PACS1: variants seen among roughly 807,000 people sequenced by gnomAD.
The protein encoded by PACS1 is phosphofurin acidic cluster sorting protein 1.
PACS1 carries 24 observed loss-of-function variants against 115.0 expected under a neutral mutation model. The ratio of observed to expected loss-of-function variants is 0.21; its 90% CI spans 0.15 to 0.29. The LOEUF is 0.29. Ranked by LOEUF, PACS1 falls within the 10% of genes least tolerant of loss-of-function variation. PACS1 has a pLI of 1.00. For missense variants in PACS1, 838 were observed against 1,251.2 expected (o/e 0.67, Z 4.98); for synonymous variants, 453 against 504.5 (o/e 0.90, Z 1.37).
intron 4 of PACS1, among the ~76,000 whole-genome samples, chr11:66,212,696 GA>G (rs1401066648): frequency 6.6e-6 from 1 of 152,096 alleles, no homozygotes; most frequent in African/African-American, 2.4e-5. Flanking sequence ...GGGAGAAGAA[GA>G]AAGGCAACTA....
intron 1 of PACS1, among the ~76,000 whole-genome samples, chr11:66,095,934 T>TC (rs1317811129): frequency 1.3e-5 from 2 of 149,256 alleles, no homozygotes; most frequent in Non-Finnish European, 3.0e-5. Flanking sequence ...AATTTCTTCT[T>TC]TTTTTTTTTT....
chr11:66,219,637 C>T lies in PACS1; in HGVS notation c.979-109C>T, dbSNP rs778018900. 5 of 857,948 alleles carry T rather than the reference C, an allele frequency of 5.8e-6. No homozygotes were observed. In the East Asian group the frequency reaches 7.3e-5, roughly 13 times the overall value. The allele number at this position is 857,948 out of a possible 1,614,324, so 53.1% of individuals were successfully genotyped here. A position where few individuals can be genotyped will look rare whatever the true frequency, so the allele number is the denominator to read the frequency against. ...GGCAGAGACCAAGTCCTCCAGTCTT[C>T]GTGTCTTCCCACAGCTCGTCATGAA... On this transcript the variant is annotated intron_variant, in intron 7 of 23. Coordinates refer to ENST00000320580, the MANE Select transcript of PACS1 (RefSeq NM_018026.4).
intron 1 of PACS1, among the ~76,000 whole-genome samples, chr11:66,141,997 G>A (rs1055412571): frequency 1.3e-5 from 2 of 151,958 alleles, no homozygotes; most frequent in East Asian, 1.9e-4. Context: ...GTAGAGACGG[G>A]GTTTCACCAT....
At chr11:66,079,489 C>A (rs991179138) in intron 1 of PACS1, among the ~76,000 whole-genome samples, 1 of 152,194 alleles carries the variant, frequency 6.6e-6, no homozygotes, top group South Asian at 2.1e-4. Context: ...CTTTTCCCTT[C>A]TGTTTTTCTG....
At chr11:66,219,947 GC>G (rs1459011887) in intron 8 of PACS1, 142 bp downstream of exon 8, 1 of 719,960 alleles carries the variant, frequency 1.4e-6, no homozygotes, top group East Asian at 2.6e-5. Context: ...ACCTGGTAGA[GC>G]CCTAAGGGAG....
chr11:66,156,345 C>T (rs1160827398), intron 1 of PACS1, among the ~76,000 whole-genome samples: 1 of 148,446 alleles, frequency 6.7e-6, no homozygotes. Context: ...TTCTGCCCCC[C>T]GGGTTCAAGC....
Position 66,233,773 on chromosome 11 carries a change from C to T in PACS1, c.1839-12C>T, listed in dbSNP as rs780766300. On this transcript the variant is annotated splice_polypyrimidine_tract_variant and intron_variant, in intron 15 of 23. Coordinates refer to ENST00000320580, the MANE Select transcript of PACS1 (RefSeq NM_018026.4). The surrounding 1 kb of genome is among the most constrained non-coding windows in gnomAD (Gnocchi z 4.5). ...CCCTGAGCACTGCTATGACGCTCCC[C>T]TTCCTCCCCAGCTGCAACTGCAACT... The T allele has an allele frequency of 1.2e-6, 2 of 1,612,272 alleles. No homozygotes were observed. Among genetic ancestry groups the T allele is most frequent in the South Asian group, 1.1e-5 (1 of 90,780 alleles).
intron 1 of PACS1, among the ~76,000 whole-genome samples, chr11:66,119,472 A>G (rs1461395760): frequency 1.3e-5 from 2 of 152,202 alleles, no homozygotes; most frequent in Non-Finnish European, 2.9e-5. Context: ...CTCCTGTTTA[A>G]TGCTTTAACT....
chr11:66,156,562 A>C (rs1239202944), intron 1 of PACS1, among the ~76,000 whole-genome samples: 5 of 152,002 alleles, frequency 3.3e-5, no homozygotes, highest in Non-Finnish European at 7.4e-5. Flanking sequence ...GTTTTTTAAA[A>C]AAATCTTTCC....
At chr11:66,098,388 C>G (rs1297327566) in intron 1 of PACS1, among the ~76,000 whole-genome samples, 1 of 152,010 alleles carries the variant, frequency 6.6e-6, no homozygotes, top group African/African-American at 2.4e-5. Flanking sequence ...TTCCTCTCAC[C>G]TCATGCAGAT....
chr11:66,098,056 A>C (rs1222414717), intron 1 of PACS1, among the ~76,000 whole-genome samples: 1 of 152,172 alleles, frequency 6.6e-6, no homozygotes, highest in Non-Finnish European at 1.5e-5. Context: ...GGGCGCCTGT[A>C]GTCCCAGCTA....
intron 1 of PACS1, among the ~76,000 whole-genome samples, chr11:66,190,786 G>A (rs954845108): frequency 1.3e-5 from 2 of 152,210 alleles, no homozygotes; most frequent in Non-Finnish European, 2.9e-5. Flanking sequence ...GAAACAGGCG[G>A]TACTGTGGGC....
intron 1 of PACS1, among the ~76,000 whole-genome samples, chr11:66,119,744 A>G (rs1012624249): frequency 1.3e-5 from 2 of 152,242 alleles, no homozygotes; most frequent in African/African-American, 4.8e-5. Context: ...GGTGTGAGTC[A>G]GAATGATTAT....
intron 1 of PACS1, among the ~76,000 whole-genome samples, chr11:66,131,773 A>C (rs1858710480): frequency 6.6e-6 from 1 of 152,080 alleles, no homozygotes. Flanking sequence ...ATGTAAAAAA[A>C]AAAGGCATTA....
chr11:66,235,422 G>A lies in PACS1; in HGVS notation c.2207+19G>A. 6.3e-7 allele frequency: 1 copy of A among 1,577,860 alleles called. No individual in the cohort carries two copies. Among genetic ancestry groups the A allele is most frequent in the Non-Finnish European group, 8.7e-7 (1 of 1,147,862 alleles). ...ATAAGTTGTAAGTTTGACTTTGAGG[G>A]GTTTCTTAAAAATAGGTTGGGTGGG... On this transcript the variant is annotated intron_variant, in intron 18 of 23. Transcript: ENST00000320580. The surrounding 1 kb of genome is among the most constrained non-coding windows in gnomAD (Gnocchi z 5.6).
At chr11:66,114,536 T>A (rs1460795992) in intron 1 of PACS1, among the ~76,000 whole-genome samples, 1 of 152,138 alleles carries the variant, frequency 6.6e-6, no homozygotes, top group Non-Finnish European at 1.5e-5. Flanking sequence ...TTTATTTAAC[T>A]AATCCTACTA....
At chr11:66,242,517 G>A (rs139294052) in intron 22 of PACS1, among the ~76,000 whole-genome samples, 3 of 152,294 alleles carry the variant, frequency 2.0e-5, no homozygotes, top group Non-Finnish European at 2.9e-5. Context: ...AGCACTCCCC[G>A]GCATCCCCAG....
intron 20 of PACS1, 84 bp downstream of exon 20, chr11:66,238,930 C>T: frequency 7.0e-7 from 1 of 1,420,364 alleles, no homozygotes; most frequent in Non-Finnish European, 9.7e-7. Flanking sequence ...AGAAGTTAAG[C>T]TCTGGATGCC....
intron 1 of PACS1, among the ~76,000 whole-genome samples, chr11:66,146,791 A>AACCCCAGC (rs1859134649): frequency 6.6e-6 from 1 of 152,220 alleles, no homozygotes; most frequent in South Asian, 2.1e-4. Context: ...TCACGCCTGT[A>AACCCCAGC]ACCCCAGCAC....
Sources: gnomAD v4.1 joint callset for allele counts (sites outside exome capture counted in the v4.1 genomes callset) on GRCh38, gnomAD v4.1.1 for gene constraint, Gnocchi (gnomAD v3.1) non-coding constraint, MANE v1.5 for transcripts, NCBI Gene and HGNC (gene_info 2026-07-23, HGNC 2026-07-21) for gene names.